NHEJ1: variants seen among roughly 807,000 people sequenced by gnomAD.
NHEJ1 encodes the protein non-homologous end joining factor 1.
In NHEJ1, 22 loss-of-function variants were observed where a neutral mutation model predicts 39.4. That is an observed-to-expected ratio of 0.56 (90% confidence interval 0.40 to 0.80). The LOEUF (loss-of-function observed/expected upper bound fraction) is 0.80. NHEJ1 is among the 30% of genes least tolerant of loss of function. The pLI is 0.00. For missense variants in NHEJ1, 329 were observed against 357.1 expected (o/e 0.92, Z 0.63); for synonymous variants, 154 against 135.6 (o/e 1.14, Z -0.94).
At chr2:219,128,762 C>A (rs775694455) in intron 5 of NHEJ1, among the ~76,000 whole-genome samples, 2 of 152,192 alleles carry the variant, frequency 1.3e-5, no homozygotes, top group Non-Finnish European at 2.9e-5. Context: ...GACCGGCCAG[C>A]CAGAATCCTG....
chr2:219,129,976 G>GGT (rs1949562369), intron 5 of NHEJ1, among the ~76,000 whole-genome samples: 1 of 143,694 alleles, frequency 7.0e-6, no homozygotes, highest in Non-Finnish European at 1.5e-5. Flanking sequence ...TTTCTGTCCT[G>GGT]TTTTTTTTTT....
intron 5 of NHEJ1, among the ~76,000 whole-genome samples, chr2:219,097,654 T>C (rs1949221125): frequency 6.6e-6 from 1 of 152,030 alleles, no homozygotes. Context: ...GAGAAGGCTA[T>C]GGGATGAGCA....
chr2:219,158,311 G>T lies in NHEJ1; in HGVS notation c.52C>A (p.Leu18Ile). Residue 18 changes from leucine to isoleucine, a missense_variant, in exon 2 of 8, where the codon CTT becomes ATT. By Grantham distance (5) the Leu-to-Ile change is conservative. Coordinates refer to ENST00000356853, the MANE Select transcript of NHEJ1 (RefSeq NM_024782.3). The stretch of plus-strand genomic sequence containing the variant: ...TTGGCCAAGAGGGAGTTCTCTGCAA[G>T]CTGTAGCCACGCCCATGGCTGCATC... ...LLMQPWAWLQ[L>I]AENSLLAKVF... The T allele has an allele frequency of 6.2e-7, 1 of 1,614,206 alleles. No homozygotes were observed. Among genetic ancestry groups the T allele is most frequent in the Non-Finnish European group, 8.5e-7 (1 of 1,180,046 alleles).
chr2:219,153,104 C>A (rs1208369085), intron 3 of NHEJ1, among the ~76,000 whole-genome samples: 1 of 152,072 alleles, frequency 6.6e-6, no homozygotes. Flanking sequence ...TGCCTGGCCC[C>A]AGCATCTCTT....
At chr2:219,119,963 A>G (rs1457949804) in intron 5 of NHEJ1, among the ~76,000 whole-genome samples, 1 of 152,228 alleles carries the variant, frequency 6.6e-6, no homozygotes, top group Non-Finnish European at 1.5e-5. Flanking sequence ...AATAGAGTCC[A>G]CATATTTTGA....
At chr2:219,118,904 C>T (rs1206017565) in intron 5 of NHEJ1, among the ~76,000 whole-genome samples, 2 of 152,136 alleles carry the variant, frequency 1.3e-5, no homozygotes, top group Admixed American at 6.5e-5. Context: ...AGCTGGGGCC[C>T]GCTCCAGCAC....
chr2:219,134,242 T>C (rs368529991), intron 5 of NHEJ1, among the ~76,000 whole-genome samples: 57 of 152,304 alleles, frequency 3.7e-4, no homozygotes, highest in African/African-American at 1.2e-3. Flanking sequence ...GTGACGGAAA[T>C]AGCACAGGAT....
intron 5 of NHEJ1, among the ~76,000 whole-genome samples, chr2:219,106,685 C>T (rs1949316492): frequency 6.6e-6 from 1 of 152,162 alleles, no homozygotes; most frequent in African/African-American, 2.4e-5. Context: ...GAACAGAAAG[C>T]CCTTTTACCA....
intron 5 of NHEJ1, among the ~76,000 whole-genome samples, chr2:219,131,663 CCT>C (rs1404398587): frequency 6.6e-6 from 1 of 152,058 alleles, no homozygotes; most frequent in Non-Finnish European, 1.5e-5. Context: ...CAACTCTGTT[CCT>C]CTGTTAGTAC....
At position 219,152,656 on chromosome 2, in the gene NHEJ1, T is replaced by C. The variant is rs374886255; in HGVS notation, c.390+4816A>G. Among the ~76,000 whole-genome samples the C allele has an allele frequency of 3.4e-4, 52 of 151,978 alleles. No individual in the cohort carries two copies. The East Asian group carries it at 7.9e-3, about 23-fold the overall frequency. ...TTATTTTTTTATTTTTTTGTAGCTA[T>C]GGGTTTCACTGTGTTGCCCAGGCTG... On this transcript the variant is annotated intron_variant, in intron 3 of 7. Coordinates refer to ENST00000356853, the MANE Select transcript of NHEJ1 (RefSeq NM_024782.3).
chr2:219,085,294 T>C (rs1949101591), intron 5 of NHEJ1, among the ~76,000 whole-genome samples: 1 of 152,236 alleles, frequency 6.6e-6, no homozygotes, highest in African/African-American at 2.4e-5. Context: ...CCACAGCTCA[T>C]CACTTGGATG....
At chr2:219,095,431 G>A (rs1949199234) in intron 5 of NHEJ1, 1 of 451,008 alleles carries the variant, frequency 2.2e-6, no homozygotes, top group Non-Finnish European at 4.6e-6. Flanking sequence ...CTTAGCATGT[G>A]TTTCTGGGTG....
chr2:219,158,231 C>T lies in NHEJ1; in HGVS notation c.132G>A (p.Val44=). 3.1e-6 allele frequency: 5 copies of T among 1,614,220 alleles called. No individual in the cohort carries two copies. The highest frequency in any genetic ancestry group is 4.2e-6 in the Non-Finnish European group (5 of 1,180,052). Residue 44 remains valine, a synonymous_variant, in exon 2 of 8, where the codon GTG becomes GTA. Coordinates refer to ENST00000356853, the MANE Select transcript of NHEJ1 (RefSeq NM_024782.3). ...CACTAGTGTCCACCTGTTCATGCCACACCTGTTGAAGATCTGAAACCAACA... is the reference window on the plus strand; with the variant it reads ...CACTAGTGTCCACCTGTTCATGCCATACCTGTTGAAGATCTGAAACCAACA... ...YALLVSDLQQ[V]WHEQVDTSVV...
intron 5 of NHEJ1, among the ~76,000 whole-genome samples, chr2:219,109,604 C>CAATGCAGGCAGACTCTGCGTGCTG (rs879654157): frequency 1.6e-4 from 25 of 152,256 alleles, no homozygotes; most frequent in Non-Finnish European, 2.9e-4. Flanking sequence ...CAACCATTCA[C>CAATGCAGGCAGACTCTGCGTGCTG]AATGCAGGCA....
Position 219,079,141 on chromosome 2 carries a change from A to C in NHEJ1, c.589-935T>G, listed in dbSNP as rs188454769. 3.7e-3 allele frequency among the ~76,000 whole-genome samples: 557 copies of C among 152,338 alleles called. 2 individuals carry two copies. The highest frequency in any genetic ancestry group is 5.7e-3 in the Non-Finnish European group (388 of 68,032). ...TGAACTGCGTTGAGGTAATGGCTGA[A>C]GACTGAACAAAGTGCGATAAAAATG... On this transcript the variant is annotated intron_variant, in intron 5 of 7. Coordinates refer to ENST00000356853, the MANE Select transcript of NHEJ1 (RefSeq NM_024782.3).
chr2:219,129,612 T>TC (rs1484343585), intron 5 of NHEJ1, among the ~76,000 whole-genome samples: 1 of 151,954 alleles, frequency 6.6e-6, no homozygotes, highest in East Asian at 1.9e-4. Context: ...GGGGCGGGAC[T>TC]CCCCCCACTC....
intron 1 of NHEJ1, among the ~76,000 whole-genome samples, chr2:219,159,552 C>T (rs199641357): frequency 1.5e-5 from 1 of 66,386 alleles, no homozygotes; most frequent in Admixed American, 1.6e-4. Context: ...TATATATATG[C>T]ATATATATAT....
At chr2:219,158,831 T>G (rs1949882957) in intron 1 of NHEJ1, 1 of 184,154 alleles carries the variant, frequency 5.4e-6, no homozygotes, top group African/African-American at 2.4e-5. Flanking sequence ...AAATTCGAAG[T>G]ATTTGATCAT....
At position 219,104,528 on chromosome 2, in the gene NHEJ1, AGAG is replaced by A. The variant is rs1232337151; in HGVS notation, c.589-26325_589-26323del. On this transcript the variant is annotated intron_variant, in intron 5 of 7. Transcript: ENST00000356853. ...GGTTCCCTAGGAAACAAAGGGGAATAGAGGAGAAGTATCACCCAAAACTTAAGT... is the reference window on the plus strand; with the variant it reads ...GGTTCCCTAGGAAACAAAGGGGAATAGAGAAGTATCACCCAAAACTTAAGT... Among the ~76,000 whole-genome samples, 7 of 152,344 alleles carry A rather than the reference AGAG, an allele frequency of 4.6e-5. No individual in the cohort carries two copies. In the East Asian group the frequency reaches 1.2e-3, roughly 25 times the overall value.
Sources: gnomAD v4.1 joint callset for allele counts (sites outside exome capture counted in the v4.1 genomes callset) on GRCh38, gnomAD v4.1.1 for gene constraint, MANE v1.5 for transcripts, NCBI Gene and HGNC (gene_info 2026-07-23, HGNC 2026-07-21) for gene names.